The following ASCC1 variants were observed in gnomAD, a reference collection of about 807,000 sequenced individuals.
ASCC1 encodes the protein ASC-1 complex subunit P50.
A neutral mutation model predicts 46.6 loss-of-function variants in ASCC1; 35 were observed. That is an observed-to-expected ratio of 0.75 (90% CI 0.57 to 0.99). The LOEUF is 0.99. ASCC1 is among the 50% of genes least tolerant of loss of function. The pLI is 0.00. For missense variants in ASCC1, 376 were observed against 428.7 expected, an observed-to-expected ratio of 0.88 and a Z score of 1.09; for synonymous variants, 143 against 146.6, an observed-to-expected ratio of 0.98 and a Z score of 0.18.
At chr10:72,215,568 T>C (rs1859058539) in intron 1 of ASCC1, among the ~76,000 whole-genome samples, 1 of 152,038 alleles carries the variant, frequency 6.6e-6, no homozygotes, top group African/African-American at 2.4e-5. Context: ...CCGAGGCCTC[T>C]AAAGTTCTCA....
rs1464748706 is a variant in ASCC1 at position 72,096,875 on chromosome 10, CAG to C, written c.*457_*458del. Reference sequence around the variant, plus strand: ...CTGAGAATAGTCAAAACCAGAGAGACAGAAAGCAGAATGGTGGCTGCGGGGGC... The same window carrying C: ...CTGAGAATAGTCAAAACCAGAGAGACAAAGCAGAATGGTGGCTGCGGGGGC... On this transcript the variant is annotated 3_prime_UTR_variant, in exon 10 of 10. Transcript: ENST00000672957. 4.4e-6 allele frequency: 2 copies of C among 453,946 alleles called. No homozygotes were observed. The highest frequency in any genetic ancestry group is 8.8e-6 in the Non-Finnish European group (2 of 226,798). The allele number at this position is 453,946 out of a possible 1,614,324, so 28.1% of individuals were successfully genotyped here. A position where few individuals can be genotyped will look rare whatever the true frequency, so the allele number is the denominator to read the frequency against.
rs777529055 is a variant in ASCC1 at position 72,196,792 on chromosome 10, T to C, written c.489+19A>G. ...ATATTTAACTTTTTTTTTAACCTTC[T>C]TGCTTTGTTTGCACTTACCATGGAG... On this transcript the variant is annotated intron_variant, in intron 5 of 9. Transcript: ENST00000672957. 1.9e-6 allele frequency: 3 copies of C among 1,609,644 alleles called. No homozygotes were observed. The highest frequency in any genetic ancestry group is 1.3e-5 in the African/African-American group (1 of 74,874).
At chr10:72,113,056 A>G (rs572319582) in intron 9 of ASCC1, among the ~76,000 whole-genome samples, 32 of 152,352 alleles carry the variant, frequency 2.1e-4, no homozygotes, top group African/African-American at 7.0e-4. Flanking sequence ...TAAGAATGAC[A>G]TCACAGGAAC....
chr10:72,142,688 C>G (rs1683401757), intron 7 of ASCC1, among the ~76,000 whole-genome samples: 1 of 151,978 alleles, frequency 6.6e-6, no homozygotes, highest in Admixed American at 6.6e-5. Context: ...TTCTTGCATC[C>G]ACGTGATTCT....
At chr10:72,106,437 G>A (rs1173848975) in intron 9 of ASCC1, among the ~76,000 whole-genome samples, 1 of 152,178 alleles carries the variant, frequency 6.6e-6, no homozygotes, top group Non-Finnish European at 1.5e-5. Flanking sequence ...AGAGTGAATA[G>A]GAATAGCAAA....
At chr10:72,180,884 G>A (rs1302455306) in intron 5 of ASCC1, 2 of 188,008 alleles carry the variant, frequency 1.1e-5, no homozygotes, top group Non-Finnish European at 2.3e-5. Flanking sequence ...TCAGTTCAAG[G>A]CAGCTTCCCT....
intron 9 of ASCC1, among the ~76,000 whole-genome samples, chr10:72,105,476 A>C (rs534250748): frequency 6.6e-6 from 1 of 152,382 alleles, no homozygotes; most frequent in African/African-American, 2.4e-5. Context: ...AGTCTGACGA[A>C]GAGGTCAAGA....
At chr10:72,134,721 G>A (rs1430837117) in intron 7 of ASCC1, among the ~76,000 whole-genome samples, 1 of 152,180 alleles carries the variant, frequency 6.6e-6, no homozygotes, top group Non-Finnish European at 1.5e-5. Flanking sequence ...CACTTCCAGT[G>A]CCACTGTCCC....
intron 9 of ASCC1, among the ~76,000 whole-genome samples, chr10:72,106,788 T>C (rs1842390017): frequency 6.6e-6 from 1 of 152,198 alleles, no homozygotes; most frequent in African/African-American, 2.4e-5. Flanking sequence ...TCCCCATTTA[T>C]ATAAGAAACA....
chr10:72,115,190 A>G (rs891063462), intron 9 of ASCC1, among the ~76,000 whole-genome samples: 9 of 152,244 alleles, frequency 5.9e-5, no homozygotes, highest in African/African-American at 2.2e-4. Context: ...CTATTGATGC[A>G]TAAGAAAAAA....
At chr10:72,141,246 A>C (rs1846976046) in intron 7 of ASCC1, among the ~76,000 whole-genome samples, 2 of 152,140 alleles carry the variant, frequency 1.3e-5, no homozygotes, top group Non-Finnish European at 2.9e-5. Flanking sequence ...CCCACTTTTG[A>C]GATAGAAGTC....
intron 9 of ASCC1, chr10:72,102,930 G>C (rs1251185975): frequency 2.3e-6 from 1 of 440,538 alleles, no homozygotes; most frequent in Non-Finnish European, 4.5e-6. Context: ...AGCGGAGATT[G>C]CATCATTGTA....
chr10:72,186,170 T>G (rs925996303), intron 5 of ASCC1, among the ~76,000 whole-genome samples: 7 of 146,016 alleles, frequency 4.8e-5, no homozygotes, highest in African/African-American at 1.8e-4. Flanking sequence ...ACTGTTTTTG[T>G]TTTTTTTTTG....
At chr10:72,125,332 T>G (rs1200114242) in intron 9 of ASCC1, among the ~76,000 whole-genome samples, 1 of 152,236 alleles carries the variant, frequency 6.6e-6, no homozygotes, top group East Asian at 1.9e-4. Context: ...CACGTATGCC[T>G]GGGCTCCTTA....
intron 1 of ASCC1, among the ~76,000 whole-genome samples, chr10:72,214,679 C>T (rs1858822073): frequency 6.6e-6 from 1 of 151,920 alleles, no homozygotes; most frequent in Non-Finnish European, 1.5e-5. Context: ...GCCCAGCAAA[C>T]TCTTTCTATC....
chr10:72,166,259 T>C (rs1266282155), intron 5 of ASCC1, among the ~76,000 whole-genome samples: 1 of 152,184 alleles, frequency 6.6e-6, no homozygotes. Flanking sequence ...AAATTAGGCC[T>C]GAGAATAAAA....
At chr10:72,119,953 C>G (rs535750656) in intron 9 of ASCC1, among the ~76,000 whole-genome samples, 1 of 152,320 alleles carries the variant, frequency 6.6e-6, no homozygotes, top group East Asian at 1.9e-4. Context: ...AGCACTGTAA[C>G]AGGCTGGGTG....
At chr10:72,174,825 T>C (rs1274004549) in intron 5 of ASCC1, among the ~76,000 whole-genome samples, 1 of 152,160 alleles carries the variant, frequency 6.6e-6, no homozygotes, top group Non-Finnish European at 1.5e-5. Flanking sequence ...TCCTCCTCTG[T>C]AAAATAAGGG....
At chr10:72,195,768 AG>A (rs1271677685) in intron 5 of ASCC1, among the ~76,000 whole-genome samples, 1 of 151,432 alleles carries the variant, frequency 6.6e-6, no homozygotes, top group Non-Finnish European at 1.5e-5. Flanking sequence ...CGGGATGCAG[AG>A]GTTGCAGTGA....
Sources: gnomAD v4.1 joint callset for allele counts (sites outside exome capture counted in the v4.1 genomes callset) on GRCh38, gnomAD v4.1.1 for gene constraint, MANE v1.5 for transcripts, NCBI Gene and HGNC (gene_info 2026-07-23, HGNC 2026-07-21) for gene names.